Variants in ZNF562 observed in about 807,000 individuals in gnomAD.
The protein encoded by ZNF562 is zinc finger protein 562.
Under a neutral mutation model 17.5 loss-of-function variants are expected in ZNF562, and 13 were observed. The ratio of observed to expected loss-of-function variants is 0.74; its 90% CI spans 0.48 to 1.18. The LOEUF (loss-of-function observed/expected upper bound fraction) is 1.18. ZNF562 is among the 50% of genes most tolerant of loss of function. The pLI is 0.00. For synonymous variants in ZNF562, 163 were observed against 165.4 expected (o/e 0.99, Z 0.11); for missense variants, 481 against 498.5 (o/e 0.96, Z 0.33).
chr19:9,672,840 C>T (rs921284913), intron 1 of ZNF562, among the ~76,000 whole-genome samples: 6 of 139,442 alleles, frequency 4.3e-5, no homozygotes, highest in Admixed American at 2.3e-4. Context: ...AGGGCAGTGG[C>T]GGGATCTCGG....
chr19:9,673,399 C>T (rs1256577460), intron 1 of ZNF562, among the ~76,000 whole-genome samples: 1 of 152,078 alleles, frequency 6.6e-6, no homozygotes, highest in Admixed American at 6.5e-5. Flanking sequence ...CTTTGCAGCA[C>T]CCAGCGTTTT....
intron 1 of ZNF562, among the ~76,000 whole-genome samples, chr19:9,673,513 G>A (rs190851441): frequency 7.9e-5 from 12 of 152,150 alleles, no homozygotes; most frequent in African/African-American, 2.4e-4. Flanking sequence ...GGCTAGGCTA[G>A]TCTGGATCTC....
At chr19:9,674,412 A>G (rs1027120955) in intron 1 of ZNF562, among the ~76,000 whole-genome samples, 2 of 152,142 alleles carry the variant, frequency 1.3e-5, no homozygotes, top group Non-Finnish European at 2.9e-5. Context: ...AGAAATTTAA[A>G]ACTCATATCT....
rs2074778058 is a variant in ZNF562 at position 9,642,355 on chromosome 19, TCACTGCAGC to T, written c.*10585_*10593del. 1 of 151,316 alleles carries T rather than the reference TCACTGCAGC, an allele frequency of 6.6e-6. No individual in the cohort carries two copies. Among genetic ancestry groups the T allele is most frequent in the African/African-American group, 2.4e-5 (1 of 41,142 alleles). 9.4% of individuals were successfully genotyped at this position (151,316 alleles called of 1,614,324 possible). A position where few individuals can be genotyped will look rare whatever the true frequency, so the allele number is the denominator to read the frequency against. On this transcript the variant is annotated 3_prime_UTR_variant, in exon 6 of 6. Coordinates refer to ENST00000453372, the MANE Select transcript of ZNF562 (RefSeq NM_001130031.2). Reference sequence around the variant, plus strand: ...TGAAGTATAGTGGCATTATCATGGCTCACTGCAGCCTTTACTTCCTGGGCTCAAGCAGTC... The same window carrying T: ...TGAAGTATAGTGGCATTATCATGGCTCTTTACTTCCTGGGCTCAAGCAGTC...
rs2074914619 is a variant in ZNF562, at chr19:9,653,649, TGCACA to T, written c.576_580del (p.Val193SerfsTer2). 1.2e-6 allele frequency: 2 copies of T among 1,614,042 alleles called. No individual in the cohort carries two copies. Among genetic ancestry groups the T allele is most frequent in the Non-Finnish European group, 1.7e-6 (2 of 1,179,908 alleles). On this transcript the variant is annotated frameshift_variant, in exon 6 of 6. Transcript: ENST00000453372. LOFTEE classifies it low-confidence loss of function (END_TRUNC). ...TTGTCTTCCATTGAGAATTTCAAGATGCACAGCAAGGCCTGGAGTTAAGGTGAAGA... is the reference window on the plus strand; with the variant it reads ...TTGTCTTCCATTGAGAATTTCAAGATGCAAGGCCTGGAGTTAAGGTGAAGA...
At position 9,653,607 on chromosome 19, in the gene ZNF562, T is replaced by C. The variant is rs1449907466; in HGVS notation, c.623A>G (p.Glu208Gly). Residue 208 changes from glutamate (E) to glycine (G), a missense_variant, in exon 6 of 6, where the codon GAA (glutamate) becomes GGA (glycine). This residue lies in a region of ZNF562 where 403 missense variants were observed against 386.4 expected (regional missense o/e 1.04). Coordinates refer to ENST00000453372, the MANE Select transcript of ZNF562 (RefSeq NM_001130031.2). ...AAAATACTTAAAGCCTTTTCCACAT[T>C]CCTTACATTTGTAGGGTTGTCTTCC... ...LNGRQPYKCK[E>G]CGKGFKYFAS... is the part of the protein sequence containing the mutation. The C allele has an allele frequency of 3.1e-6, 5 of 1,614,148 alleles. No individual in the cohort carries two copies. The East Asian group carries it at 8.9e-5, about 29-fold the overall frequency.
Position 9,648,572 on chromosome 19 carries a change from G to A in ZNF562, c.*4377C>T, listed in dbSNP as rs1423132641. ...CCCACCCCCACCTCCCAAATTGCTG[G>A]GATTACAGGCATAAGCCCCCACACC... On this transcript the variant is annotated 3_prime_UTR_variant, in exon 6 of 6. Coordinates refer to ENST00000453372, the MANE Select transcript of ZNF562 (RefSeq NM_001130031.2). 1 of 151,896 alleles carries A rather than the reference G, an allele frequency of 6.6e-6. No homozygotes were observed. The highest frequency in any genetic ancestry group is 1.5e-5 in the Non-Finnish European group (1 of 68,014). 9.4% of individuals were successfully genotyped at this position (151,896 alleles called of 1,614,324 possible). A position where few individuals can be genotyped will look rare whatever the true frequency, so the allele number is the denominator to read the frequency against.
In ZNF562 at chr19:9,651,310, AG is replaced by A. The variant is rs1360858326; in HGVS notation, c.*1638del. On this transcript the variant is annotated 3_prime_UTR_variant, in exon 6 of 6. Transcript: ENST00000453372. ...GATATAAAGTGGTGAAGAACTTGGC[AG>A]AACTGTATTCTAGCATTTTACGGAA... 1 of 152,226 alleles carries A rather than the reference AG, an allele frequency of 6.6e-6. No individual in the cohort carries two copies. The highest frequency in any genetic ancestry group is 1.5e-5 in the Non-Finnish European group (1 of 68,054). 9.4% of individuals were successfully genotyped at this position (152,226 alleles called of 1,614,324 possible).
At chr19:9,669,914 T>C (rs2044121257) in intron 1 of ZNF562, among the ~76,000 whole-genome samples, 1 of 151,876 alleles carries the variant, frequency 6.6e-6, no homozygotes, top group East Asian at 1.9e-4. Flanking sequence ...ATACAAAAAT[T>C]AGCTGGGCAT....
At chr19:9,670,945 A>G (rs1407618119) in intron 1 of ZNF562, among the ~76,000 whole-genome samples, 1 of 151,518 alleles carries the variant, frequency 6.6e-6, no homozygotes, top group Non-Finnish European at 1.5e-5. Context: ...GGTTGCAGTG[A>G]GCCAAGATCA....
intron 1 of ZNF562, among the ~76,000 whole-genome samples, chr19:9,667,103 T>C (rs2043983082): frequency 6.6e-6 from 1 of 152,234 alleles, no homozygotes; most frequent in South Asian, 2.1e-4. Context: ...CTGATGAACA[T>C]ACCTGCAAAA....
chr19:9,662,465 G>C (rs1402706083), intron 1 of ZNF562, among the ~76,000 whole-genome samples: 2 of 151,822 alleles, frequency 1.3e-5, no homozygotes, highest in Non-Finnish European at 2.9e-5. Flanking sequence ...AGAAGGCTGA[G>C]GCAGGAGAAT....
rs2074798539 is a variant in ZNF562, at chr19:9,645,210, C to G, written c.*7739G>C. On this transcript the variant is annotated 3_prime_UTR_variant, in exon 6 of 6. Coordinates refer to ENST00000453372, the MANE Select transcript of ZNF562 (RefSeq NM_001130031.2). The stretch of plus-strand genomic sequence containing the variant: ...TACAGGTGAGTGCCACCACACCCAG[C>G]TAATTTTTGTATTTTTAGTAGAGAT... The G allele has an allele frequency of 6.6e-6, 1 of 152,082 alleles. No individual in the cohort carries two copies. Among genetic ancestry groups the G allele is most frequent in the Non-Finnish European group, 1.5e-5 (1 of 68,030 alleles). 9.4% of individuals were successfully genotyped at this position (152,082 alleles called of 1,614,324 possible). A position where few individuals can be genotyped will look rare whatever the true frequency, so the allele number is the denominator to read the frequency against.
At chr19:9,667,598 C>A (rs1275804669) in intron 1 of ZNF562, among the ~76,000 whole-genome samples, 1 of 152,050 alleles carries the variant, frequency 6.6e-6, no homozygotes, top group African/African-American at 2.4e-5. Flanking sequence ...ATGACATGAC[C>A]TTTTTCTCCT....
rs574902272 is a variant in ZNF562 at position 9,649,012 on chromosome 19, G to A, written c.*3937C>T. The A allele has an allele frequency of 5.9e-5, 9 of 152,400 alleles. No homozygotes were observed. In the East Asian group the frequency reaches 1.7e-3, roughly 29 times the overall value. The allele number at this position is 152,400 out of a possible 1,614,324, so 9.4% of individuals were successfully genotyped here. A position where few individuals can be genotyped will look rare whatever the true frequency, so the allele number is the denominator to read the frequency against. ...TGCAGGACATTGTTGCAGGAAGTCA[G>A]GGACCCCAAACGGGGGGACTGGCTG... is the stretch of plus-strand genomic sequence containing the variant. On this transcript the variant is annotated 3_prime_UTR_variant, in exon 6 of 6. Coordinates refer to ENST00000453372, the MANE Select transcript of ZNF562 (RefSeq NM_001130031.2).
intron 1 of ZNF562, 148 bp from the exon 2 acceptor site, chr19:9,661,022 G>A (rs1406670002): frequency 2.9e-6 from 1 of 343,734 alleles, no homozygotes; most frequent in African/African-American, 2.1e-5. Context: ...ATTAATAACA[G>A]CAACTGACAT....
chr19:9,654,776 G>C (rs2043397516), intron 5 of ZNF562, among the ~76,000 whole-genome samples: 1 of 152,026 alleles, frequency 6.6e-6, no homozygotes, highest in Admixed American at 6.6e-5. Flanking sequence ...ACAGGGTCTT[G>C]GTATGTAGCC....
chr19:9,656,718 A>G, intron 4 of ZNF562, 65 bp from the exon 5 acceptor site: 1 of 1,531,344 alleles, frequency 6.5e-7, no homozygotes, highest in Non-Finnish European at 9.0e-7. Flanking sequence ...TTCAAATTAA[A>G]CACAGTATGA....
chr19:9,661,378 G>T (rs185918413), intron 1 of ZNF562, among the ~76,000 whole-genome samples: 1 of 152,050 alleles, frequency 6.6e-6, no homozygotes, highest in African/African-American at 2.4e-5. Context: ...AAATGCAGTG[G>T]CGTGATCTTG....
Sources: allele counts gnomAD v4.1 joint callset (sites outside exome capture counted in the v4.1 genomes callset), GRCh38; gene constraint gnomAD v4.1.1; regional missense constraint gnomAD v4.1.1; transcripts MANE v1.5; gene names NCBI Gene and HGNC (gene_info 2026-07-23, HGNC 2026-07-21).